NAALADL2: variants seen among roughly 807,000 people sequenced by gnomAD.
The protein encoded by NAALADL2 is N-acetylated alpha-linked acidic dipeptidase like 2.
In NAALADL2, 76 loss-of-function variants were observed where a neutral mutation model predicts 87.2. That is an observed-to-expected ratio of 0.87 (90% confidence interval 0.72 to 1.05). The LOEUF is 1.05. NAALADL2 is among the 50% of genes least tolerant of loss of function. NAALADL2 has a pLI of 0.00. For synonymous variants in NAALADL2, 354 were observed against 331.0 expected (o/e 1.07, Z -0.75); for missense variants, 1,089 against 945.8 (o/e 1.15, Z -1.99).
chr3:174,573,639 G>A (rs1480221829), intron 2 of NAALADL2, among the ~76,000 whole-genome samples: 1 of 152,124 alleles, frequency 6.6e-6, no homozygotes, highest in Non-Finnish European at 1.5e-5. Flanking sequence ...ACAAGAGCAG[G>A]TTTGTGCAGA....
intron 3 of NAALADL2, among the ~76,000 whole-genome samples, chr3:174,798,300 A>T (rs954628512): frequency 6.6e-6 from 1 of 151,996 alleles, no homozygotes; most frequent in Non-Finnish European, 1.5e-5. Context: ...TAATTGTTTT[A>T]AAAAAATTTT....
In NAALADL2 at chr3:175,021,995, A is replaced by T. The variant is rs976681537; in HGVS notation, c.44-74795A>T. Among the ~76,000 whole-genome samples, 9 of 151,952 alleles carry T rather than the reference A, an allele frequency of 5.9e-5. No homozygotes were observed. The East Asian group carries it at 1.2e-3, about 20-fold the overall frequency. ...ATGGCTTGTCTTCCTCATGGTAACG[A>T]GTGAATTTTTACTCTATTAGTACAG... On this transcript the variant is annotated intron_variant, in intron 1 of 13. Transcript: ENST00000454872.
chr3:175,435,760 C>A (rs1006161563), intron 5 of NAALADL2, among the ~76,000 whole-genome samples: 3 of 151,474 alleles, frequency 2.0e-5, no homozygotes, highest in East Asian at 1.9e-4. Context: ...CTTTTTTGAG[C>A]CTGTTTCCTA....
At chr3:174,809,522 A>T (rs1719914569) in intron 3 of NAALADL2, among the ~76,000 whole-genome samples, 1 of 152,202 alleles carries the variant, frequency 6.6e-6, no homozygotes, top group Non-Finnish European at 1.5e-5. Flanking sequence ...AAATGCTTAT[A>T]AAGCTGCTAA....
At chr3:174,656,845 A>G (rs1456070827) in intron 2 of NAALADL2, among the ~76,000 whole-genome samples, 2 of 152,040 alleles carry the variant, frequency 1.3e-5, no homozygotes, top group Non-Finnish European at 2.9e-5. Context: ...AATTATCAAC[A>G]TAAATAAGGC....
intron 3 of NAALADL2, among the ~76,000 whole-genome samples, chr3:174,749,121 GC>G (rs1427625836): frequency 6.8e-6 from 1 of 147,708 alleles, no homozygotes; most frequent in Non-Finnish European, 1.5e-5. Flanking sequence ...GTTCTACCAT[GC>G]CTAATCCCAA....
chr3:174,894,072 A>G (rs961432853), intron 1 of NAALADL2, among the ~76,000 whole-genome samples: 1 of 152,190 alleles, frequency 6.6e-6, no homozygotes, highest in African/African-American at 2.4e-5. Context: ...GAGAAATTAG[A>G]TTTTAAGACA....
intron 1 of NAALADL2, among the ~76,000 whole-genome samples, chr3:174,897,295 A>G (rs974615371): frequency 3.3e-5 from 5 of 152,184 alleles, no homozygotes; most frequent in Admixed American, 2.6e-4. Context: ...GCCAGATTAT[A>G]TAAGGAGCTC....
chr3:174,886,288 TAGGCTGGG>T (rs1560324897), intron 1 of NAALADL2, among the ~76,000 whole-genome samples: 1 of 152,082 alleles, frequency 6.6e-6, no homozygotes, highest in Admixed American at 6.5e-5. Context: ...GAGAAAGATG[TAGGCTGGG>T]AGGCTAGGCC....
At chr3:175,192,069 A>T (rs907326997) in intron 2 of NAALADL2, among the ~76,000 whole-genome samples, 1 of 152,120 alleles carries the variant, frequency 6.6e-6, no homozygotes, top group Non-Finnish European at 1.5e-5. Context: ...AACTTATTTG[A>T]GGTGTGCATG....
chr3:174,690,121 ATGAC>A (rs1443359702), intron 2 of NAALADL2, among the ~76,000 whole-genome samples: 21 of 152,318 alleles, frequency 1.4e-4, no homozygotes, highest in African/African-American at 4.1e-4. Flanking sequence ...GCATCCAAAA[ATGAC>A]TGGTAAATAT....
At chr3:175,266,259 T>C (rs983483887) in intron 4 of NAALADL2, among the ~76,000 whole-genome samples, 11 of 151,220 alleles carry the variant, frequency 7.3e-5, no homozygotes, top group Non-Finnish European at 1.5e-4. Context: ...ATCTTAATTA[T>C]TTAAATATTT....
At chr3:174,794,123 C>T (rs367556365) in intron 3 of NAALADL2, among the ~76,000 whole-genome samples, 7 of 151,904 alleles carry the variant, frequency 4.6e-5, no homozygotes, top group African/African-American at 1.7e-4. Flanking sequence ...GAATTATTTT[C>T]TTTATTTTCA....
intron 4 of NAALADL2, among the ~76,000 whole-genome samples, chr3:175,305,232 G>A (rs1757550863): frequency 2.1e-5 from 3 of 144,040 alleles, no homozygotes; most frequent in African/African-American, 8.4e-5. Flanking sequence ...TACATGGTGT[G>A]TGTGTGTGTG....
intron 5 of NAALADL2, among the ~76,000 whole-genome samples, chr3:175,370,631 T>TGA (rs1360641734): frequency 6.6e-6 from 1 of 152,208 alleles, no homozygotes; most frequent in African/African-American, 2.4e-5. Context: ...TGTGTAGCTT[T>TGA]GAGAGGTCCT....
intron 1 of NAALADL2, among the ~76,000 whole-genome samples, chr3:175,083,181 C>T (rs78909841): frequency 0.015 from 2,325 of 152,302 alleles, 71 homozygotes; most frequent in African/African-American, 0.054. Context: ...TTCCTTCTTT[C>T]TTCCTTCTCA....
At chr3:174,671,014 C>T (rs1029851047) in intron 2 of NAALADL2, among the ~76,000 whole-genome samples, 5 of 152,010 alleles carry the variant, frequency 3.3e-5, no homozygotes, top group Non-Finnish European at 5.9e-5. Flanking sequence ...CTGCTTTAGC[C>T]GTGTAAAATG....
At chr3:175,166,216 C>T (rs11922187) in intron 2 of NAALADL2, among the ~76,000 whole-genome samples, 40,485 of 151,884 alleles carry the variant, frequency 0.27, 6,117 homozygotes, top group Non-Finnish European at 0.34. Flanking sequence ...GAGTTGTTCC[C>T]CATCTTTTCC....
At chr3:175,376,535 C>T (rs546404237) in intron 5 of NAALADL2, among the ~76,000 whole-genome samples, 1 of 152,026 alleles carries the variant, frequency 6.6e-6, no homozygotes, top group Non-Finnish European at 1.5e-5. Flanking sequence ...ATTCAGGGAG[C>T]TTTTAAGAGT....
Sources: gnomAD v4.1 joint callset for allele counts (sites outside exome capture counted in the v4.1 genomes callset) on GRCh38, gnomAD v4.1.1 for gene constraint, MANE v1.5 for transcripts, NCBI Gene and HGNC (gene_info 2026-07-23, HGNC 2026-07-21) for gene names.